The following EPB41L5 variants were observed in gnomAD, a reference collection of about 807,000 sequenced individuals.
EPB41L5 encodes the protein erythrocyte membrane protein band 4.1 like 5.
In EPB41L5, 55 loss-of-function variants were observed where a neutral mutation model predicts 106.6. That is an observed-to-expected ratio of 0.52 (90% CI 0.42 to 0.65). The LOEUF (loss-of-function observed/expected upper bound fraction) is 0.65. Ranked by LOEUF, EPB41L5 falls within the 30% of genes least tolerant of loss-of-function variation. The pLI, the probability that EPB41L5 is intolerant of heterozygous loss-of-function variation, is 0.00. For missense variants in EPB41L5, 871 were observed against 882.1 expected (o/e 0.99, Z 0.16); for synonymous variants, 297 against 306.7 (o/e 0.97, Z 0.33).
intron 16 of EPB41L5, chr2:120,104,916 A>AT (rs1684361745): frequency 2.0e-6 from 2 of 976,510 alleles, no homozygotes; most frequent in Non-Finnish European, 2.4e-6. Context: ...TTCAGTTATC[A>AT]TAACAGTTAA....
At chr2:120,084,573 C>G (rs569708132) in intron 10 of EPB41L5, among the ~76,000 whole-genome samples, 139 of 152,248 alleles carry the variant, frequency 9.1e-4, no homozygotes, top group Non-Finnish European at 1.5e-3. Flanking sequence ...TCCTTCATTT[C>G]CACTTTGGTG....
chr2:120,050,126 C>T (rs1218098294), intron 3 of EPB41L5, among the ~76,000 whole-genome samples: 2 of 152,120 alleles, frequency 1.3e-5, no homozygotes, highest in Admixed American at 6.6e-5. Flanking sequence ...TTTGGTGAAT[C>T]TGACAATTAT....
chr2:120,046,271 C>T (rs542689446), intron 3 of EPB41L5, among the ~76,000 whole-genome samples: 43 of 152,288 alleles, frequency 2.8e-4, no homozygotes, highest in African/African-American at 1.0e-3. Context: ...ACAGTCCCAC[C>T]AACAGTGTAA....
At chr2:120,089,277 A>G (rs575245255) in intron 11 of EPB41L5, among the ~76,000 whole-genome samples, 17 of 152,254 alleles carry the variant, frequency 1.1e-4, no homozygotes, top group Admixed American at 7.2e-4. Context: ...AGAAAGATAA[A>G]TACAATTATG....
intron 3 of EPB41L5, among the ~76,000 whole-genome samples, chr2:120,048,457 ATAGTATTCTCTGATGG>A: frequency 6.6e-6 from 1 of 152,122 alleles, no homozygotes; most frequent in Admixed American, 6.5e-5. Context: ...AGAGGTGTTT[ATAGTATTCTCTGATGG>A]TAGTTTGTAT....
At position 120,125,778 on chromosome 2, in the gene EPB41L5, A is replaced by G. The variant is rs376287573; in HGVS notation, c.1338-1910A>G. Among the ~76,000 whole-genome samples the G allele has an allele frequency of 1.6e-4, 24 of 152,190 alleles. No homozygotes were observed. The South Asian group carries it at 4.4e-3, about 28-fold the overall frequency. ...TTAGTCCTGTGCAGGTCTTTAGAAT[A>G]TGAGATGTATTGGTTTGCTAGGACT... On this transcript the variant is annotated intron_variant, in intron 16 of 24. Coordinates refer to ENST00000263713, the MANE Select transcript of EPB41L5 (RefSeq NM_020909.4).
chr2:120,073,200 G>A lies in EPB41L5; in HGVS notation c.308G>A (p.Ser103Asn). The A allele has an allele frequency of 6.2e-7, 1 of 1,608,924 alleles. No individual in the cohort carries two copies. The highest frequency in any genetic ancestry group is 8.5e-7 in the Non-Finnish European group (1 of 1,178,734). The change falls in exon 4 of 25, where the codon AGC becomes AAC. Residue 103 changes from serine to asparagine, a missense_variant. By Grantham distance (46) the Ser-to-Asn change is conservative. Coordinates refer to ENST00000263713, the MANE Select transcript of EPB41L5 (RefSeq NM_020909.4). ...QVAHWLDGTKSIKKQVKIGSP... is the reference protein window; with the variant it reads ...QVAHWLDGTKNIKKQVKIGSP... ...CAGCATTGGTTGGATGGTACAAAAA[G>A]CATCAAAAAGCAAGTAAAAAGTAAG...
intron 16 of EPB41L5, among the ~76,000 whole-genome samples, chr2:120,122,415 C>G (rs981578856): frequency 7.2e-5 from 11 of 152,206 alleles, no homozygotes; most frequent in African/African-American, 2.7e-4. Flanking sequence ...TTTCCCAGCA[C>G]CGTTTATTAA....
At chr2:120,144,638 T>C (rs889050744) in intron 19 of EPB41L5, among the ~76,000 whole-genome samples, 1 of 152,148 alleles carries the variant, frequency 6.6e-6, no homozygotes, top group Non-Finnish European at 1.5e-5. Flanking sequence ...ACAAAGTTTT[T>C]CAAAAAGATA....
chr2:120,075,603 AAAAG>A, intron 6 of EPB41L5, 83 bp downstream of exon 6: 1 of 1,422,638 alleles, frequency 7.0e-7, no homozygotes, highest in Non-Finnish European at 9.9e-7. Flanking sequence ...ATAGTTGTAA[AAAAG>A]AAATGGTCAA....
At chr2:120,021,531 C>T (rs1677929595) in intron 2 of EPB41L5, among the ~76,000 whole-genome samples, 1 of 152,008 alleles carries the variant, frequency 6.6e-6, no homozygotes, top group Non-Finnish European at 1.5e-5. Context: ...ATCCCAGCTA[C>T]TTGGGAGGCT....
At chr2:120,150,047 C>T (rs1478325735) in intron 20 of EPB41L5, among the ~76,000 whole-genome samples, 1 of 152,034 alleles carries the variant, frequency 6.6e-6, no homozygotes, top group Non-Finnish European at 1.5e-5. Flanking sequence ...CACATGCCAC[C>T]ATGCTCGGCT....
chr2:120,132,794 A>G lies in EPB41L5; in HGVS notation c.1599+1079A>G, dbSNP rs561331539. ...GGAAAACTTTAGATAAAAGCTTTAG[A>G]TGATTAATAACTAATGGAAATTTAG... On this transcript the variant is annotated intron_variant, in intron 18 of 24. Coordinates refer to ENST00000263713, the MANE Select transcript of EPB41L5 (RefSeq NM_020909.4). 4.6e-5 allele frequency among the ~76,000 whole-genome samples: 7 copies of G among 152,208 alleles called. No individual in the cohort carries two copies. The South Asian group carries it at 1.5e-3, about 32-fold the overall frequency.
intron 3 of EPB41L5, among the ~76,000 whole-genome samples, chr2:120,059,973 T>G (rs772902378): frequency 5.3e-5 from 8 of 152,134 alleles, no homozygotes; most frequent in Non-Finnish European, 1.0e-4. Context: ...AAGAGACATT[T>G]CACCTGAGAG....
At chr2:120,118,433 G>A (rs1685051191) in intron 16 of EPB41L5, among the ~76,000 whole-genome samples, 1 of 152,280 alleles carries the variant, frequency 6.6e-6, no homozygotes, top group Middle Eastern at 3.4e-3. Context: ...GTGCCATGGT[G>A]TTTTGCTGCA....
chr2:120,149,247 T>C (rs1358214565), intron 20 of EPB41L5, among the ~76,000 whole-genome samples: 6 of 152,210 alleles, frequency 3.9e-5, no homozygotes, highest in Non-Finnish European at 7.3e-5. Flanking sequence ...AGTGTGCAAT[T>C]CAATAGTTTT....
intron 24 of EPB41L5, among the ~76,000 whole-genome samples, chr2:120,168,297 C>G (rs1484257594): frequency 6.6e-6 from 1 of 152,112 alleles, no homozygotes; most frequent in Non-Finnish European, 1.5e-5. Context: ...TCCCTTTACG[C>G]TTTACTATTT....
At chr2:120,093,177 T>G in intron 13 of EPB41L5, 72 bp from the exon 14 acceptor site, 1 of 1,223,204 alleles carries the variant, frequency 8.2e-7, no homozygotes, top group Non-Finnish European at 1.2e-6. Context: ...AGTTAAAGTT[T>G]TGCTTTGAAT....
intron 3 of EPB41L5, among the ~76,000 whole-genome samples, chr2:120,062,465 G>A (rs1681147640): frequency 6.6e-6 from 1 of 152,084 alleles, no homozygotes; most frequent in Non-Finnish European, 1.5e-5. Context: ...ATCCTTGTCA[G>A]TATTCTGGAT....
Sources: allele counts gnomAD v4.1 joint callset (sites outside exome capture counted in the v4.1 genomes callset), GRCh38; gene constraint gnomAD v4.1.1; transcripts MANE v1.5; gene names NCBI Gene and HGNC (gene_info 2026-07-23, HGNC 2026-07-21).